The following EPHA3 variants were observed in gnomAD, a reference collection of about 807,000 sequenced individuals.
The protein encoded by EPHA3 is ephrin type-A receptor 3.
In EPHA3, 42 loss-of-function variants were observed where a neutral mutation model predicts 107.1. The ratio of observed to expected loss-of-function variants is 0.39; its 90% confidence interval spans 0.31 to 0.51. The LOEUF (loss-of-function observed/expected upper bound fraction) is 0.51, where lower values mean the gene tolerates loss of function less well. EPHA3 is among the 20% of genes least tolerant of loss of function. EPHA3 has a pLI of 0.78. For missense variants in EPHA3, 1,183 were observed against 1,211.2 expected, an observed-to-expected ratio of 0.98 and a Z score of 0.35; for synonymous variants, 461 against 424.8, an observed-to-expected ratio of 1.09 and a Z score of -1.05.
intron 9 of EPHA3, among the ~76,000 whole-genome samples, chr3:89,408,448 C>A (rs775685677): frequency 6.6e-6 from 1 of 152,160 alleles, no homozygotes; most frequent in East Asian, 1.9e-4. Flanking sequence ...CTTCAATTTC[C>A]TTATTACTAG....
intron 3 of EPHA3, among the ~76,000 whole-genome samples, chr3:89,274,100 A>T (rs1705747183): frequency 6.6e-6 from 1 of 151,966 alleles, no homozygotes; most frequent in African/African-American, 2.4e-5. Context: ...AAATGACTAG[A>T]AAGTGCCACA....
Position 89,472,615 on chromosome 3 carries a change from A to T in EPHA3, c.2842A>T (p.Thr948Ser). 6.2e-7 allele frequency: 1 copy of T among 1,607,454 alleles called. No individual in the cohort carries two copies. Among genetic ancestry groups the T allele is most frequent in the Non-Finnish European group, 8.5e-7 (1 of 1,177,722 alleles). ...TTGTGACACAATAGCCAAGATTTCC[A>T]CAGAGTAAGAAAAAAAAATTCATTA... Reference protein sequence around the residue: ...SSCDTIAKISTDDMKKVGVTV... With the variant: ...SSCDTIAKISSDDMKKVGVTV... The change falls in exon 16 of 17, where the codon ACA (threonine) becomes TCA (serine). Residue 948 changes from threonine (T) to serine (S), a missense_variant. Coordinates refer to ENST00000336596, the MANE Select transcript of EPHA3 (RefSeq NM_005233.6).
intron 3 of EPHA3, among the ~76,000 whole-genome samples, chr3:89,323,115 G>C (rs1161050803): frequency 1.3e-5 from 2 of 151,988 alleles, no homozygotes; most frequent in African/African-American, 4.8e-5. Flanking sequence ...CTAAGTAAAG[G>C]CAAATGTGGT....
rs1331927477 is a variant in EPHA3, at chr3:89,481,594, G to A, written c.*2092G>A. On this transcript the variant is annotated 3_prime_UTR_variant, in exon 17 of 17. Transcript: ENST00000336596. ...AAACTAATAGAAGTTGAGGATTGTT[G>A]AATCTATTTCACTTATTTTGGCTGT... 1.7e-5 allele frequency: 4 copies of A among 232,440 alleles called. No individual in the cohort carries two copies. The South Asian group carries it at 7.3e-4, about 42-fold the overall frequency. 14.4% of individuals were successfully genotyped at this position (232,440 alleles called of 1,614,324 possible).
intron 5 of EPHA3, among the ~76,000 whole-genome samples, chr3:89,366,675 G>A (rs1708189708): frequency 6.6e-6 from 1 of 150,616 alleles, no homozygotes; most frequent in African/African-American, 2.4e-5. Flanking sequence ...GACGGAGTCA[G>A]CTTTGGAATC....
intron 15 of EPHA3, among the ~76,000 whole-genome samples, chr3:89,454,844 A>G (rs1710065100): frequency 1.3e-5 from 2 of 151,914 alleles, no homozygotes; most frequent in Non-Finnish European, 2.9e-5. Flanking sequence ...TTTTTTTTAA[A>G]TGGGCCAGGC....
chr3:89,374,742 T>C (rs554022088), intron 5 of EPHA3, among the ~76,000 whole-genome samples: 2 of 151,766 alleles, frequency 1.3e-5, no homozygotes, highest in South Asian at 4.2e-4. Context: ...TCTTGGTCAT[T>C]TGGAATGACC....
At chr3:89,342,745 A>G (rs1216844601) in intron 5 of EPHA3, among the ~76,000 whole-genome samples, 2 of 152,086 alleles carry the variant, frequency 1.3e-5, no homozygotes, top group African/African-American at 4.8e-5. Context: ...TGTCTTGTAC[A>G]AAGCTAAACT....
rs529553758 is a variant in EPHA3 at position 89,147,394 on chromosome 3, G to GA, written c.153+20127dup. Among the ~76,000 whole-genome samples the GA allele has an allele frequency of 1.8e-4, 27 of 151,878 alleles. No homozygotes were observed. The South Asian group carries it at 3.9e-3, about 22-fold the overall frequency. On this transcript the variant is annotated intron_variant, in intron 2 of 16. Coordinates refer to ENST00000336596, the MANE Select transcript of EPHA3 (RefSeq NM_005233.6). Reference sequence around the variant, plus strand: ...TCTAAATGTAAGGTTTCTAAGAAAAGAAAAAATCTTACAATAAAGTTGCTA... The same window carrying GA: ...TCTAAATGTAAGGTTTCTAAGAAAAGAAAAAAATCTTACAATAAAGTTGCTA...
At chr3:89,230,045 A>C (rs994300434) in intron 3 of EPHA3, among the ~76,000 whole-genome samples, 2 of 152,102 alleles carry the variant, frequency 1.3e-5, no homozygotes, top group African/African-American at 4.8e-5. Flanking sequence ...AGCTTTAAAA[A>C]TTATTTTAGA....
chr3:89,156,879 AT>A (rs71105117), intron 2 of EPHA3, among the ~76,000 whole-genome samples: 6 of 147,856 alleles, frequency 4.1e-5, no homozygotes, highest in Admixed American at 2.0e-4. Context: ...TACACATTTT[AT>A]TTTTTTTTTG....
rs1226518381 is a variant in EPHA3 at position 89,479,988 on chromosome 3, C to G, written c.*486C>G. Reference sequence around the variant, plus strand: ...ACCTCAAACTATCTGGCCATATTTACTACCTTATCACTGCATTATTCTCTT... The same window carrying G: ...ACCTCAAACTATCTGGCCATATTTAGTACCTTATCACTGCATTATTCTCTT... On this transcript the variant is annotated 3_prime_UTR_variant, in exon 17 of 17. Transcript: ENST00000336596. 1 of 235,030 alleles carries G rather than the reference C, an allele frequency of 4.3e-6. No homozygotes were observed. Among genetic ancestry groups the G allele is most frequent in the Non-Finnish European group, 8.4e-6 (1 of 119,064 alleles). The allele number at this position is 235,030 out of a possible 1,614,324, so 14.6% of individuals were successfully genotyped here.
intron 2 of EPHA3, among the ~76,000 whole-genome samples, chr3:89,202,812 C>T (rs1334015168): frequency 6.6e-6 from 1 of 151,906 alleles, no homozygotes; most frequent in Non-Finnish European, 1.5e-5. Flanking sequence ...AAGTTATTTC[C>T]CCACACACTG....
chr3:89,171,864 G>T (rs774094557), intron 2 of EPHA3, among the ~76,000 whole-genome samples: 4 of 152,144 alleles, frequency 2.6e-5, no homozygotes, highest in Non-Finnish European at 5.9e-5. Context: ...ACTCAGAGAT[G>T]TGCCTATCGT....
chr3:89,448,325 T>A (rs1214320742), intron 13 of EPHA3, among the ~76,000 whole-genome samples: 1 of 152,200 alleles, frequency 6.6e-6, no homozygotes, highest in Non-Finnish European at 1.5e-5. Flanking sequence ...GATACCTATT[T>A]CGTTCTGTAT....
At chr3:89,426,519 T>A (rs911712905) in intron 11 of EPHA3, among the ~76,000 whole-genome samples, 1 of 151,824 alleles carries the variant, frequency 6.6e-6, no homozygotes, top group Admixed American at 6.6e-5. Context: ...ATTCTAGAGT[T>A]AAATGCACGC....
chr3:89,295,785 TC>T (rs1189990911), intron 3 of EPHA3, among the ~76,000 whole-genome samples: 1 of 151,672 alleles, frequency 6.6e-6, no homozygotes, highest in Non-Finnish European at 1.5e-5. Flanking sequence ...GAGATGAGTT[TC>T]CCTATGTTGG....
At chr3:89,382,208 C>A (rs968588462) in intron 5 of EPHA3, among the ~76,000 whole-genome samples, 2 of 151,954 alleles carry the variant, frequency 1.3e-5, no homozygotes, top group African/African-American at 4.8e-5. Flanking sequence ...AAGGTTGCCA[C>A]TAAAAAATAG....
intron 3 of EPHA3, among the ~76,000 whole-genome samples, chr3:89,302,635 C>T (rs1706518424): frequency 6.6e-6 from 1 of 152,028 alleles, no homozygotes; most frequent in African/African-American, 2.4e-5. Context: ...TTCTAATACC[C>T]TTCTCTCCAC....
Sources: allele counts gnomAD v4.1 joint callset (sites outside exome capture counted in the v4.1 genomes callset), GRCh38; gene constraint gnomAD v4.1.1; transcripts MANE v1.5; gene names NCBI Gene and HGNC (gene_info 2026-07-23, HGNC 2026-07-21).